The following JADE3 variants were observed in gnomAD, a reference collection of about 807,000 sequenced individuals.
The protein encoded by JADE3 is jade family PHD finger 3.
In JADE3, 2 loss-of-function variants were observed where a neutral mutation model predicts 50.1. The observed-to-expected ratio is 0.04, with a 90% confidence interval of 0.02 to 0.13. The LOEUF (loss-of-function observed/expected upper bound fraction) is 0.13. JADE3 is among the 10% of genes least tolerant of loss of function. JADE3 has a pLI of 1.00. For missense variants in JADE3, 475 were observed against 634.4 expected (o/e 0.75, Z 2.70); for synonymous variants, 218 against 232.9 (o/e 0.94, Z 0.58).
chrX:46,954,042 T>C (rs991202258), intron 1 of JADE3, among the ~76,000 whole-genome samples: 2 of 111,840 alleles, frequency 1.8e-5, no homozygotes, highest in Non-Finnish European at 3.8e-5. Flanking sequence ...CATTTTAGGA[T>C]GTTAAGTGCT....
At chrX:46,985,028 C>CT (rs1392300068) in intron 2 of JADE3, 88 bp downstream of exon 2, 3 of 758,724 alleles carry the variant, frequency 4.0e-6, no homozygotes, top group Non-Finnish European at 6.0e-6. Flanking sequence ...CCATTTCATG[C>CT]TTTTTTCAAT....
chrX:46,913,220 GT>G (rs781933009), intron 1 of JADE3, among the ~76,000 whole-genome samples: 1 of 111,153 alleles, frequency 9.0e-6, no homozygotes, highest in East Asian at 2.9e-4. Context: ...CGCCCTGGCT[GT>G]TTAGCTGTTG....
chrX:46,999,718 T>C (rs1002219382), intron 4 of JADE3, among the ~76,000 whole-genome samples: 1 of 109,997 alleles, frequency 9.1e-6, no homozygotes, highest in Non-Finnish European at 1.9e-5. Flanking sequence ...GAGAAGGACT[T>C]TTCTGCCAGA....
intron 6 of JADE3, 48 bp downstream of exon 6, chrX:47,028,151 A>G: frequency 1.1e-6 from 1 of 921,261 alleles, no homozygotes; most frequent in Non-Finnish European, 1.6e-6. Flanking sequence ...GCCTTTCTGA[A>G]GCTCAGTGAT....
In JADE3 at chrX:47,058,163, T is replaced by C; in HGVS notation, c.1562-4T>C. On this transcript the variant is annotated splice_region_variant and splice_polypyrimidine_tract_variant and intron_variant, in intron 10 of 10. Transcript: ENST00000614628. ...TTAAAACGAATCTTTCTTTTTTATC[T>C]CAGGGCTTCCTTTGACAAATGCACT... 8.4e-7 allele frequency: 1 copy of C among 1,194,648 alleles called. No homozygotes were observed. The highest frequency in any genetic ancestry group is 1.1e-6 in the Non-Finnish European group (1 of 886,745).
At chrX:47,030,513 G>A (rs1207599806) in intron 6 of JADE3, among the ~76,000 whole-genome samples, 1 of 111,597 alleles carries the variant, frequency 9.0e-6, no homozygotes, top group East Asian at 2.8e-4. Context: ...TTGGCTTAGA[G>A]CTCCCTCTGT....
intron 1 of JADE3, among the ~76,000 whole-genome samples, chrX:46,924,182 C>T (rs1414097671): frequency 9.0e-6 from 1 of 111,554 alleles, no homozygotes. Context: ...CCATGGTGGG[C>T]GCTTTCTCTG....
chrX:46,998,017 T>C (rs1928172979), intron 3 of JADE3, 103 bp from the exon 4 acceptor site: 1 of 642,374 alleles, frequency 1.6e-6, no homozygotes, highest in Non-Finnish European at 2.3e-6. Context: ...GTTTCTCTTG[T>C]TGGAAGCAGA....
intron 1 of JADE3, among the ~76,000 whole-genome samples, chrX:46,917,901 C>T (rs1479314965): frequency 1.9e-5 from 2 of 102,895 alleles, no homozygotes; most frequent in Non-Finnish European, 4.0e-5. Context: ...CTCTCTCTCT[C>T]ATCCTCTCTC....
At chrX:47,026,049 C>A (rs1436606695) in intron 5 of JADE3, among the ~76,000 whole-genome samples, 2 of 110,916 alleles carry the variant, frequency 1.8e-5, no homozygotes, top group African/African-American at 6.6e-5. Flanking sequence ...TGCTCTGCCC[C>A]CTAAGAGGAG....
At chrX:47,014,630 G>A (rs1928634509) in intron 4 of JADE3, among the ~76,000 whole-genome samples, 1 of 111,471 alleles carries the variant, frequency 9.0e-6, no homozygotes, top group Admixed American at 9.6e-5. Context: ...AAGTTAGTAT[G>A]AATTTATTTT....
At chrX:47,027,827 A>T in intron 5 of JADE3, 65 bp from the exon 6 acceptor site, 1 of 938,977 alleles carries the variant, frequency 1.1e-6, no homozygotes, top group Non-Finnish European at 1.5e-6. Context: ...CACTGGGCTC[A>T]CAGTAGGTGT....
At chrX:46,936,495 G>T (rs1938752156) in intron 1 of JADE3, among the ~76,000 whole-genome samples, 1 of 111,537 alleles carries the variant, frequency 9.0e-6, no homozygotes, top group African/African-American at 3.3e-5. Context: ...TTCATAAAAT[G>T]AGTTGGGAAA....
At chrX:46,985,958 AG>A (rs1490655873) in intron 3 of JADE3, among the ~76,000 whole-genome samples, 166 bp downstream of exon 3, 15 of 111,404 alleles carry the variant, frequency 1.3e-4, no homozygotes, top group Admixed American at 9.5e-4. Flanking sequence ...CTCCCAGAGC[AG>A]GGGGGTAAGT....
At chrX:46,954,510 G>A (rs1218986560) in intron 1 of JADE3, among the ~76,000 whole-genome samples, 3 of 111,793 alleles carry the variant, frequency 2.7e-5, no homozygotes, top group African/African-American at 9.8e-5. Flanking sequence ...GTTGCAGCAT[G>A]CTTTCAGTAT....
chrX:47,045,054 A>G (rs1261118053), intron 8 of JADE3, among the ~76,000 whole-genome samples: 1 of 111,802 alleles, frequency 8.9e-6, no homozygotes, highest in African/African-American at 3.2e-5. Context: ...CCAGAAAACA[A>G]ATAAAATGGC....
At chrX:46,969,751 C>T (rs957970740) in intron 1 of JADE3, among the ~76,000 whole-genome samples, 9 of 111,964 alleles carry the variant, frequency 8.0e-5, no homozygotes, top group Non-Finnish European at 1.5e-4. Flanking sequence ...ATTGCTCGAA[C>T]CCGGGAGGCA....
chrX:46,939,524 A>C (rs1204885569), intron 1 of JADE3, among the ~76,000 whole-genome samples: 2 of 111,767 alleles, frequency 1.8e-5, no homozygotes, highest in African/African-American at 3.3e-5. Context: ...ACGGACTAGA[A>C]TGGAAGGAAT....
At chrX:46,916,564 A>G (rs1319871382) in intron 1 of JADE3, among the ~76,000 whole-genome samples, 1 of 112,109 alleles carries the variant, frequency 8.9e-6, no homozygotes, top group African/African-American at 3.2e-5. Flanking sequence ...AGTGGTTAAG[A>G]TAAACTCCAC....
Sources: allele counts gnomAD v4.1 joint callset (sites outside exome capture counted in the v4.1 genomes callset), GRCh38; gene constraint gnomAD v4.1.1; transcripts MANE v1.5; gene names NCBI Gene and HGNC (gene_info 2026-07-23, HGNC 2026-07-21).